RCAN2: variants seen among roughly 807,000 people sequenced by gnomAD.
RCAN2 encodes the protein regulator of calcineurin 2, also known as calcipressin-2.
RCAN2 carries 9 observed loss-of-function variants against 23.6 expected under a neutral mutation model. The observed-to-expected ratio is 0.38, with a 90% CI of 0.23 to 0.67. The LOEUF (loss-of-function observed/expected upper bound fraction) is 0.67. Among genes scored for constraint, RCAN2 ranks in the 30% least tolerant of loss-of-function variants. RCAN2 has a pLI of 0.51. For synonymous variants in RCAN2, 109 were observed against 115.7 expected (o/e 0.94, Z 0.37); for missense variants, 273 against 302.3 (o/e 0.90, Z 0.72).
intron 2 of RCAN2, among the ~76,000 whole-genome samples, chr6:46,332,110 A>G (rs1763993403): frequency 6.6e-6 from 1 of 152,194 alleles, no homozygotes; most frequent in Non-Finnish European, 1.5e-5. Flanking sequence ...AGTTAGGTTC[A>G]TCTGTTTTTG....
intron 1 of RCAN2, among the ~76,000 whole-genome samples, chr6:46,463,255 A>G (rs984965276): frequency 6.6e-6 from 1 of 152,262 alleles, no homozygotes; most frequent in Non-Finnish European, 1.5e-5. Flanking sequence ...TACGAAGCAT[A>G]GAAAATAAGT....
At chr6:46,265,367 C>T (rs187160899) in intron 2 of RCAN2, among the ~76,000 whole-genome samples, 61 of 152,262 alleles carry the variant, frequency 4.0e-4, no homozygotes, top group Admixed American at 1.1e-3. Flanking sequence ...AAACCATTGT[C>T]AGCTAAGCAA....
intron 2 of RCAN2, among the ~76,000 whole-genome samples, chr6:46,380,110 G>C (rs189547395): frequency 2.0e-5 from 3 of 152,266 alleles, no homozygotes; most frequent in African/African-American, 7.2e-5. Context: ...CTTATCTGAA[G>C]TCTTTGGCAT....
intron 2 of RCAN2, among the ~76,000 whole-genome samples, chr6:46,311,246 C>T (rs996847522): frequency 6.6e-6 from 1 of 152,158 alleles, no homozygotes; most frequent in African/African-American, 2.4e-5. Flanking sequence ...CCTGGTTCAG[C>T]CCTCCTTCTG....
rs868212980 is a variant in RCAN2 at position 46,383,210 on chromosome 6, C to T, written c.225+73542G>A. On this transcript the variant is annotated intron_variant, in intron 2 of 4. Coordinates refer to ENST00000371374, the MANE Select transcript of RCAN2 (RefSeq NM_001251974.2). ...GTGTGTGTGTGTGTGTGTGTGTGTA[C>T]GTGTGTATGGTAGGAGAGGCAACCA... Among the ~76,000 whole-genome samples, 566 of 81,806 alleles carry T rather than the reference C, an allele frequency of 6.9e-3. 1 individual carries two copies. The highest frequency in any genetic ancestry group is 0.019 in the African/African-American group (540 of 28,180). The allele number at this position is 81,806 out of a possible 152,430, so 53.7% of individuals were successfully genotyped here.
At chr6:46,310,697 C>A (rs1763228020) in intron 2 of RCAN2, among the ~76,000 whole-genome samples, 1 of 152,106 alleles carries the variant, frequency 6.6e-6, no homozygotes, top group Non-Finnish European at 1.5e-5. Flanking sequence ...CCAAATGAAG[C>A]AACTGATATC....
chr6:46,281,208 G>A (rs898387786), intron 2 of RCAN2, among the ~76,000 whole-genome samples: 19 of 152,322 alleles, frequency 1.2e-4, no homozygotes, highest in African/African-American at 4.6e-4. Context: ...CAACAGGCAT[G>A]CGCTGACTAA....
In RCAN2 at chr6:46,260,497, T is replaced by G. The variant is rs144859752; in HGVS notation, c.226-11601A>C. ...AAGAGGAGCAAGTGAGGGGATTGCTTGGAACCTGTCCTGGAAGCTGTCCAA... is the reference window on the plus strand; with the variant it reads ...AAGAGGAGCAAGTGAGGGGATTGCTGGGAACCTGTCCTGGAAGCTGTCCAA... On this transcript the variant is annotated intron_variant, in intron 2 of 4. Coordinates refer to ENST00000371374, the MANE Select transcript of RCAN2 (RefSeq NM_001251974.2). 1.5e-4 allele frequency among the ~76,000 whole-genome samples: 23 copies of G among 152,246 alleles called. No individual in the cohort carries two copies. In the East Asian group the frequency reaches 4.3e-3, roughly 28 times the overall value.
chr6:46,402,206 T>C (rs1021475315), intron 2 of RCAN2, among the ~76,000 whole-genome samples: 4 of 152,184 alleles, frequency 2.6e-5, no homozygotes, highest in Non-Finnish European at 4.4e-5. Flanking sequence ...ATGGAGTCAC[T>C]GGGCACTTAT....
chr6:46,448,225 T>C (rs932197819), intron 2 of RCAN2, among the ~76,000 whole-genome samples: 1 of 151,678 alleles, frequency 6.6e-6, no homozygotes, highest in African/African-American at 2.4e-5. Context: ...AACAGTTGGA[T>C]AACTTAGAAG....
intron 2 of RCAN2, among the ~76,000 whole-genome samples, chr6:46,392,855 T>C (rs571207198): frequency 6.6e-6 from 1 of 152,120 alleles, no homozygotes; most frequent in African/African-American, 2.4e-5. Context: ...AGATCAATGG[T>C]TAAAGAGCTT....
intron 2 of RCAN2, among the ~76,000 whole-genome samples, chr6:46,399,684 A>G (rs926095705): frequency 6.6e-6 from 1 of 151,880 alleles, no homozygotes; most frequent in African/African-American, 2.4e-5. Context: ...CCTGGCTTCT[A>G]GATGAGTTAC....
rs181920990 is a variant in RCAN2, at chr6:46,360,956, C to A, written c.225+95796G>T. On this transcript the variant is annotated intron_variant, in intron 2 of 4. Coordinates refer to ENST00000371374, the MANE Select transcript of RCAN2 (RefSeq NM_001251974.2). Reference sequence around the variant, plus strand: ...TAATAACAGGCCTTCTCCCTACCCCCATGTATGTGTAAAACTTGAGTATTC... The same window carrying A: ...TAATAACAGGCCTTCTCCCTACCCCAATGTATGTGTAAAACTTGAGTATTC... Among the ~76,000 whole-genome samples, 8 of 152,288 alleles carry A rather than the reference C, an allele frequency of 5.3e-5. No individual in the cohort carries two copies. In the East Asian group the frequency reaches 1.5e-3, roughly 29 times the overall value.
At chr6:46,460,289 T>C (rs1267517220) in intron 1 of RCAN2, among the ~76,000 whole-genome samples, 1 of 152,222 alleles carries the variant, frequency 6.6e-6, no homozygotes, top group Non-Finnish European at 1.5e-5. Flanking sequence ...CTCCAACTCC[T>C]AGCCTCAAAT....
chr6:46,354,897 ATGTGTGTGTGTGTGTG>A (rs6149559), intron 2 of RCAN2, among the ~76,000 whole-genome samples: 53,087 of 144,676 alleles, frequency 0.37, 11,154 homozygotes, highest in East Asian at 0.52. Flanking sequence ...AAGATTATAT[ATGTGTGTGTGTGTGTG>A]TGTGTGTGTG....
intron 2 of RCAN2, among the ~76,000 whole-genome samples, chr6:46,417,268 G>A (rs954169006): frequency 8.5e-5 from 13 of 152,148 alleles, no homozygotes; most frequent in African/African-American, 3.1e-4. Flanking sequence ...CCCCTACTGA[G>A]TGTTAGCTTC....
intron 2 of RCAN2, among the ~76,000 whole-genome samples, chr6:46,415,408 A>G (rs1766680093): frequency 2.0e-5 from 3 of 152,242 alleles, no homozygotes; most frequent in Admixed American, 2.0e-4. Flanking sequence ...AAGGGGAAAC[A>G]GGAATGAAGC....
intron 2 of RCAN2, among the ~76,000 whole-genome samples, chr6:46,360,810 A>T (rs1180955768): frequency 4.6e-5 from 7 of 152,186 alleles, no homozygotes; most frequent in African/African-American, 1.7e-4. Context: ...GTGGGAAGTA[A>T]TCTAGAAATG....
chr6:46,271,990 G>C (rs1442230), intron 2 of RCAN2, among the ~76,000 whole-genome samples: 119,376 of 152,142 alleles, frequency 0.78, 47,140 homozygotes, highest in Non-Finnish European at 0.83. Flanking sequence ...CTTTAACACT[G>C]TTCAGATTTC....
Sources: gnomAD v4.1 joint callset for allele counts (sites outside exome capture counted in the v4.1 genomes callset) on GRCh38, gnomAD v4.1.1 for gene constraint, MANE v1.5 for transcripts, NCBI Gene and HGNC (gene_info 2026-07-23, HGNC 2026-07-21) for gene names.